SLC25A48: variants seen among roughly 807,000 people sequenced by gnomAD.
SLC25A48 encodes the protein solute carrier family 25 member 48, also known as CTC-321K16.1.
Under a neutral mutation model 32.2 loss-of-function variants are expected in SLC25A48, and 29 were observed. The ratio of observed to expected loss-of-function variants is 0.90; its 90% confidence interval spans 0.67 to 1.23. The LOEUF (loss-of-function observed/expected upper bound fraction) is 1.23, where lower values mean the gene tolerates loss of function less well. Ranked by LOEUF, SLC25A48 falls within the 50% of genes most tolerant of loss-of-function variation. The pLI, the probability that SLC25A48 is intolerant of heterozygous loss-of-function variation, is 0.00. For missense variants in SLC25A48, 399 were observed against 422.7 expected (o/e 0.94, Z 0.49); for synonymous variants, 164 against 172.3 (o/e 0.95, Z 0.38).
At chr5:135,878,007 G>A (rs954696457) in intron 6 of SLC25A48, among the ~76,000 whole-genome samples, 5 of 152,194 alleles carry the variant, frequency 3.3e-5, no homozygotes, top group Admixed American at 6.5e-5. Context: ...CATGTGGGTC[G>A]TTGCAAGCCA....
Position 135,643,864 on chromosome 5 carries a change from G to A in SLC25A48, c.-521+8908G>A, listed in dbSNP as rs546138260. 3.0e-4 allele frequency among the ~76,000 whole-genome samples: 45 copies of A among 152,232 alleles called. 1 individual carries two copies. Among genetic ancestry groups the A allele is most frequent in the African/African-American group, 1.0e-3 (43 of 41,546 alleles). On this transcript the variant is annotated intron_variant, in intron 3 of 10. Transcript: ENST00000646290. ...CTCCCAACAATGCCATGTGTTTAGC[G>A]CTATGATTATCATCTTATTTTGCAG...
intron 3 of SLC25A48, among the ~76,000 whole-genome samples, chr5:135,702,597 T>C (rs1402147477): frequency 6.6e-6 from 1 of 152,228 alleles, no homozygotes; most frequent in Non-Finnish European, 1.5e-5. Flanking sequence ...TGGTACTTTG[T>C]GATGACATCT....
intron 2 of SLC25A48, among the ~76,000 whole-genome samples, chr5:135,849,196 A>G (rs866564569): frequency 8.5e-5 from 13 of 152,288 alleles, no homozygotes; most frequent in South Asian, 6.2e-4. Context: ...GGCCTCCTCC[A>G]CTTGTCTACA....
chr5:135,731,646 G>T (rs557519133), intron 3 of SLC25A48, among the ~76,000 whole-genome samples: 15 of 152,144 alleles, frequency 9.9e-5, no homozygotes, highest in Non-Finnish European at 1.8e-4. Flanking sequence ...ATGCTGTTTT[G>T]TATGAATTGA....
At chr5:135,722,035 T>C (rs1199497909) in intron 3 of SLC25A48, among the ~76,000 whole-genome samples, 24 of 152,242 alleles carry the variant, frequency 1.6e-4, no homozygotes, top group Admixed American at 1.6e-3. Flanking sequence ...CAGAGTTTAG[T>C]CTAAAGGGCT....
chr5:135,640,191 A>G (rs1404535798), intron 3 of SLC25A48, among the ~76,000 whole-genome samples: 2 of 152,206 alleles, frequency 1.3e-5, no homozygotes, highest in Non-Finnish European at 2.9e-5. Context: ...AGTGAATTGG[A>G]AGAGAGAACA....
intron 3 of SLC25A48, chr5:135,649,642 A>C (rs887020923): frequency 1.3e-5 from 2 of 152,534 alleles, no homozygotes; most frequent in South Asian, 4.1e-4. Context: ...AGGGAAAGGA[A>C]TCCCAGGCAA....
chr5:135,835,799 A>T (rs1375430361), intron 1 of SLC25A48, among the ~76,000 whole-genome samples: 1 of 152,108 alleles, frequency 6.6e-6, no homozygotes, highest in East Asian at 1.9e-4. Context: ...GATGAAAAGA[A>T]CAACAAACCA....
chr5:135,695,063 A>G (rs1754234370), intron 3 of SLC25A48, among the ~76,000 whole-genome samples: 1 of 152,066 alleles, frequency 6.6e-6, no homozygotes, highest in South Asian at 2.1e-4. Flanking sequence ...TGCTCCTCAA[A>G]GCACCAACCT....
intron 3 of SLC25A48, among the ~76,000 whole-genome samples, chr5:135,727,475 G>A (rs984742177): frequency 9.2e-5 from 14 of 152,030 alleles, no homozygotes; most frequent in East Asian, 7.7e-4. Flanking sequence ...TCAAGTTGAA[G>A]GACTCTGCCT....
chr5:135,712,647 G>A (rs1371893787), intron 3 of SLC25A48, among the ~76,000 whole-genome samples: 1 of 152,174 alleles, frequency 6.6e-6, no homozygotes, highest in Non-Finnish European at 1.5e-5. Flanking sequence ...TTTCAACTGA[G>A]GCTCACCAAA....
At chr5:135,777,141 A>G (rs1296499415) in intron 3 of SLC25A48, among the ~76,000 whole-genome samples, 1 of 151,504 alleles carries the variant, frequency 6.6e-6, no homozygotes, top group Non-Finnish European at 1.5e-5. Flanking sequence ...TATTTCAAAT[A>G]TCACAGGAAC....
chr5:135,597,749 A>C (rs1451373338), intron 1 of SLC25A48, among the ~76,000 whole-genome samples: 1 of 152,320 alleles, frequency 6.6e-6, no homozygotes, highest in East Asian at 1.9e-4. Context: ...CACGCCTATA[A>C]CACTAGTACT....
chr5:135,852,960 C>A, intron 4 of SLC25A48, 139 bp downstream of exon 4: 1 of 1,181,120 alleles, frequency 8.5e-7, no homozygotes, highest in Non-Finnish European at 1.2e-6. Flanking sequence ...TAATTACAGG[C>A]ATACCTCGGA....
intron 6 of SLC25A48, among the ~76,000 whole-genome samples, chr5:135,879,027 C>A (rs1762248767): frequency 6.6e-6 from 1 of 152,086 alleles, no homozygotes. Context: ...CAACACCAAG[C>A]AAGAAGATTG....
intron 3 of SLC25A48, among the ~76,000 whole-genome samples, chr5:135,746,529 T>A (rs1008276575): frequency 6.6e-6 from 1 of 152,264 alleles, no homozygotes; most frequent in Non-Finnish European, 1.5e-5. Context: ...ACAATCCGAT[T>A]CTCCGGTGCA....
chr5:135,742,759 A>G (rs1285243045), intron 3 of SLC25A48, among the ~76,000 whole-genome samples: 1 of 152,088 alleles, frequency 6.6e-6, no homozygotes, highest in Non-Finnish European at 1.5e-5. Flanking sequence ...AAATAAGGCT[A>G]TTATCACACT....
At chr5:135,862,207 G>A (rs1479476752) in intron 4 of SLC25A48, among the ~76,000 whole-genome samples, 1 of 152,220 alleles carries the variant, frequency 6.6e-6, no homozygotes, top group Non-Finnish European at 1.5e-5. Flanking sequence ...TTTGCTGCCT[G>A]AGCCATGTCC....
chr5:135,749,456 C>T (rs1755719157), intron 3 of SLC25A48, among the ~76,000 whole-genome samples: 1 of 152,122 alleles, frequency 6.6e-6, no homozygotes, highest in Admixed American at 6.5e-5. Context: ...ATTCCCAGGC[C>T]CCATCCCTGG....
Sources: allele counts gnomAD v4.1 joint callset (sites outside exome capture counted in the v4.1 genomes callset), GRCh38; gene constraint gnomAD v4.1.1; transcripts MANE v1.5; gene names NCBI Gene and HGNC (gene_info 2026-07-23, HGNC 2026-07-21).